The following ARHGAP25 variants were observed in gnomAD, a reference collection of about 807,000 sequenced individuals.
ARHGAP25 encodes rho GTPase-activating protein 25.
In ARHGAP25, 34 loss-of-function variants were observed where a neutral mutation model predicts 71.0. That is an observed-to-expected ratio of 0.48 (90% CI 0.36 to 0.64). The LOEUF is 0.64. ARHGAP25 is among the 30% of genes least tolerant of loss of function. The probability of loss-of-function intolerance (pLI) is 0.00; values close to 1 mark genes in which losing one functional copy is unlikely to be tolerated. For missense variants in ARHGAP25, 706 were observed against 805.1 expected, an observed-to-expected ratio of 0.88 and a Z score of 1.49; for synonymous variants, 282 against 296.5, an observed-to-expected ratio of 0.95 and a Z score of 0.50.
chr2:68,771,290 G>C (rs1677472755), intron 1 of ARHGAP25, among the ~76,000 whole-genome samples: 1 of 152,140 alleles, frequency 6.6e-6, no homozygotes, highest in Non-Finnish European at 1.5e-5. Flanking sequence ...GCCCTGGTCT[G>C]CCTGCAGCCC....
At chr2:68,810,838 T>C (rs1680755384) in intron 5 of ARHGAP25, among the ~76,000 whole-genome samples, 1 of 151,752 alleles carries the variant, frequency 6.6e-6, no homozygotes, top group South Asian at 2.1e-4. Context: ...GCCTCCTGGA[T>C]TCAAGTTATT....
At chr2:68,818,642 A>C (rs973623967) in intron 8 of ARHGAP25, among the ~76,000 whole-genome samples, 1 of 152,206 alleles carries the variant, frequency 6.6e-6, no homozygotes, top group Non-Finnish European at 1.5e-5. Flanking sequence ...TTCATTTTAC[A>C]AGCCAGCCCA....
chr2:68,735,008 T>G lies in ARHGAP25; in HGVS notation c.-192T>G. ...GTGCCATCCTCCAGTGACAGATGGA[T>G]GGACCTTTCATCTAAGAGAAAGGAG... is the stretch of plus-strand genomic sequence containing the variant. On this transcript the variant is annotated 5_prime_UTR_variant, in exon 1 of 11. An upstream start codon of the reference 5' UTR is lost. Transcript: ENST00000409202. 1 of 625,730 alleles carries G rather than the reference T, an allele frequency of 1.6e-6. No homozygotes were observed. The allele number at this position is 625,730 out of a possible 1,614,324, so 38.8% of individuals were successfully genotyped here.
intron 1 of ARHGAP25, among the ~76,000 whole-genome samples, chr2:68,753,081 G>C (rs1558614900): frequency 6.6e-6 from 1 of 151,854 alleles, no homozygotes. Flanking sequence ...GGGTGGATGG[G>C]GGGGGTGATA....
Position 68,787,866 on chromosome 2 carries a change from C to G in ARHGAP25, c.376C>G (p.Gln126Glu), listed in dbSNP as rs749262945. 1.2e-6 allele frequency: 2 copies of G among 1,614,056 alleles called. No individual in the cohort carries two copies. The highest frequency in any genetic ancestry group is 2.7e-5 in the African/African-American group (2 of 74,922). Residue 126 changes from glutamine to glutamate, a missense_variant, in exon 4 of 11, where the codon CAG (glutamine) becomes GAG (glutamate). Gln to Glu is a conservative substitution (Grantham distance 29). Coordinates refer to ENST00000409202, the MANE Select transcript of ARHGAP25 (RefSeq NM_001007231.3). ...CTCATGGGACCAGAATCGCATGGGA[C>G]AGGACTCCTATGTCCTCATGGCCAG... Reference protein sequence around the residue: ...PASWDQNRMGQDSYVLMASSQ... With the variant: ...PASWDQNRMGEDSYVLMASSQ...
intron 2 of ARHGAP25, 58 bp from the exon 3 acceptor site, chr2:68,782,175 A>G (rs2104390006): frequency 6.7e-7 from 1 of 1,495,622 alleles, no homozygotes; most frequent in South Asian, 1.1e-5. Context: ...TGTCCAACCC[A>G]ATTTTAGTTT....
At chr2:68,746,996 G>A (rs921052369) in intron 1 of ARHGAP25, among the ~76,000 whole-genome samples, 3 of 110,520 alleles carry the variant, frequency 2.7e-5, no homozygotes, top group East Asian at 2.8e-4. Flanking sequence ...CAACAAGAGC[G>A]AAACTCCATC....
At chr2:68,713,014 A>T (rs1195392170) in intron 2 of ARHGAP25, among the ~76,000 whole-genome samples, 1 of 152,158 alleles carries the variant, frequency 6.6e-6, no homozygotes, top group Non-Finnish European at 1.5e-5. Context: ...TTCCATATGA[A>T]ATTCAAAGTA....
intron 1 of ARHGAP25, among the ~76,000 whole-genome samples, chr2:68,771,037 T>C (rs1677454028): frequency 6.6e-6 from 1 of 152,206 alleles, no homozygotes; most frequent in Non-Finnish European, 1.5e-5. Flanking sequence ...TACTGAGTAC[T>C]TAAAACATGG....
chr2:68,746,704 C>G (rs1558610814), intron 1 of ARHGAP25, among the ~76,000 whole-genome samples: 8 of 60,630 alleles, frequency 1.3e-4, no homozygotes, highest in African/African-American at 4.3e-4. Flanking sequence ...ACAGGGACCA[C>G]CCCCCTCCCC....
At chr2:68,802,580 G>T (rs541405162) in intron 4 of ARHGAP25, among the ~76,000 whole-genome samples, 3 of 151,952 alleles carry the variant, frequency 2.0e-5, no homozygotes, top group Non-Finnish European at 4.4e-5. Flanking sequence ...CTTGATGATG[G>T]AATGAAGCTA....
At chr2:68,822,037 T>C (rs1573642938) in intron 9 of ARHGAP25, among the ~76,000 whole-genome samples, 1 of 151,448 alleles carries the variant, frequency 6.6e-6, no homozygotes, top group Admixed American at 6.6e-5. Flanking sequence ...GGCTTCTGGG[T>C]TTTCAGTCAT....
intron 4 of ARHGAP25, among the ~76,000 whole-genome samples, chr2:68,797,754 C>T (rs1416507382): frequency 1.3e-5 from 2 of 152,214 alleles, no homozygotes; most frequent in African/African-American, 4.8e-5. Context: ...GGAGCAGTTC[C>T]ATATCATAGT....
At chr2:68,768,124 C>A (rs930994374) in intron 1 of ARHGAP25, among the ~76,000 whole-genome samples, 4 of 152,208 alleles carry the variant, frequency 2.6e-5, no homozygotes, top group Admixed American at 1.3e-4. Flanking sequence ...TGGAGCAGAT[C>A]ATTTCACCTC....
intron 1 of ARHGAP25, among the ~76,000 whole-genome samples, chr2:68,742,982 A>G (rs1014654790): frequency 3.3e-5 from 5 of 151,876 alleles, no homozygotes; most frequent in African/African-American, 1.2e-4. Flanking sequence ...TTGTTTGTCT[A>G]TTTTTGCCAG....
chr2:68,789,333 C>T (rs960286391), intron 4 of ARHGAP25, among the ~76,000 whole-genome samples: 2 of 152,156 alleles, frequency 1.3e-5, no homozygotes, highest in African/African-American at 4.8e-5. Context: ...CCACCGTGCC[C>T]GGCCTGGAAT....
At chr2:68,729,532 A>T (rs1051127757) in intron 2 of ARHGAP25, among the ~76,000 whole-genome samples, 18 of 152,234 alleles carry the variant, frequency 1.2e-4, no homozygotes, top group African/African-American at 4.3e-4. Flanking sequence ...ACCCTTACAA[A>T]TGCCCAATAA....
At chr2:68,816,156 C>A in intron 6 of ARHGAP25, 133 bp from the exon 7 acceptor site, 1 of 780,394 alleles carries the variant, frequency 1.3e-6, no homozygotes. Context: ...ACCCACAGAA[C>A]TACAGGAACA....
chr2:68,739,672 C>A (rs1461988182), intron 1 of ARHGAP25, among the ~76,000 whole-genome samples: 1 of 152,138 alleles, frequency 6.6e-6, no homozygotes, highest in Non-Finnish European at 1.5e-5. Context: ...CTGGTGGCCA[C>A]AGCAATTGAG....
Sources: gnomAD v4.1 joint callset for allele counts (sites outside exome capture counted in the v4.1 genomes callset) on GRCh38, gnomAD v4.1.1 for gene constraint, MANE v1.5 for transcripts, NCBI Gene and HGNC (gene_info 2026-07-23, HGNC 2026-07-21) for gene names.